FRMD3: variants seen among roughly 807,000 people sequenced by gnomAD.
FRMD3 encodes FERM domain containing 3, also known as FERM domain-containing protein 3.
A neutral mutation model predicts 70.2 loss-of-function variants in FRMD3; 33 were observed. The observed-to-expected ratio is 0.47, with a 90% CI of 0.36 to 0.63. FRMD3 has a LOEUF of 0.63. Ranked by LOEUF, FRMD3 falls within the 20% of genes least tolerant of loss-of-function variation. The pLI is 0.00. For missense variants in FRMD3, 632 were observed against 711.4 expected, an observed-to-expected ratio of 0.89 and a Z score of 1.27; for synonymous variants, 279 against 255.9, an observed-to-expected ratio of 1.09 and a Z score of -0.86.
At chr9:83,254,344 A>C (rs1290836673) in intron 13 of FRMD3, among the ~76,000 whole-genome samples, 1 of 151,984 alleles carries the variant, frequency 6.6e-6, no homozygotes, top group African/African-American at 2.4e-5. Context: ...AATATTTTAA[A>C]AATATTTCAA....
chr9:83,502,631 C>T (rs1829096237), intron 1 of FRMD3, among the ~76,000 whole-genome samples: 1 of 152,096 alleles, frequency 6.6e-6, no homozygotes, highest in Non-Finnish European at 1.5e-5. Context: ...TACCCGGAAG[C>T]TTGCTGTGAG....
At chr9:83,491,592 G>C (rs1334510968) in intron 1 of FRMD3, among the ~76,000 whole-genome samples, 1 of 152,164 alleles carries the variant, frequency 6.6e-6, no homozygotes, top group Non-Finnish European at 1.5e-5. Context: ...AGAGTCACTT[G>C]TCTGGAAGAT....
At chr9:83,468,275 AT>A (rs1466934005) in intron 1 of FRMD3, among the ~76,000 whole-genome samples, 3 of 152,240 alleles carry the variant, frequency 2.0e-5, no homozygotes, top group African/African-American at 7.2e-5. Context: ...AAGAAAATAG[AT>A]GTGACTTAAG....
At chr9:83,326,388 C>A (rs775616867) in intron 6 of FRMD3, among the ~76,000 whole-genome samples, 24 of 152,150 alleles carry the variant, frequency 1.6e-4, no homozygotes, top group Non-Finnish European at 1.9e-4. Flanking sequence ...AAATAATTCT[C>A]AAGTAAGCAT....
intron 1 of FRMD3, among the ~76,000 whole-genome samples, chr9:83,513,143 C>T (rs1829376841): frequency 6.6e-6 from 1 of 152,144 alleles, no homozygotes; most frequent in Admixed American, 6.5e-5. Flanking sequence ...GAGACAAAAA[C>T]CCAACAGATC....
At chr9:83,402,898 C>CTTTT (rs559570925) in intron 1 of FRMD3, among the ~76,000 whole-genome samples, 891 of 87,192 alleles carry the variant, frequency 0.01, 12 homozygotes, top group East Asian at 0.021. Flanking sequence ...TTCTTTCTTT[C>CTTTT]TTTTTTTTTT....
intron 5 of FRMD3, among the ~76,000 whole-genome samples, chr9:83,340,130 C>A (rs1246509263): frequency 6.6e-6 from 1 of 152,070 alleles, no homozygotes; most frequent in Non-Finnish European, 1.5e-5. Flanking sequence ...TGCTTGAGGT[C>A]AGAGTTTGAG....
At chr9:83,532,793 A>T (rs985512500) in intron 1 of FRMD3, among the ~76,000 whole-genome samples, 1 of 152,198 alleles carries the variant, frequency 6.6e-6, no homozygotes, top group Non-Finnish European at 1.5e-5. Context: ...GGGAAAACTG[A>T]TGGGGACTCT....
At chr9:83,261,910 GA>G (rs2118701974) in intron 13 of FRMD3, among the ~76,000 whole-genome samples, 1 of 152,270 alleles carries the variant, frequency 6.6e-6, no homozygotes, top group African/African-American at 2.4e-5. Flanking sequence ...GTAAAATGGG[GA>G]AAATTTCAGC....
chr9:83,520,970 C>CAAAAAAA (rs144061788), intron 1 of FRMD3, among the ~76,000 whole-genome samples: 16 of 56,152 alleles, frequency 2.8e-4, no homozygotes, highest in Admixed American at 8.9e-4. Context: ...ACTAAAAATA[C>CAAAAAAA]AAAAAAAAAA....
intron 5 of FRMD3, among the ~76,000 whole-genome samples, chr9:83,337,658 A>G (rs938872334): frequency 2.6e-5 from 4 of 152,210 alleles, no homozygotes; most frequent in African/African-American, 9.6e-5. Flanking sequence ...GTAGAAAAAA[A>G]TTAGTATGCC....
At chr9:83,571,603 T>C in the FRMD3 span, among the ~76,000 whole-genome samples, 1 of 152,242 alleles carries the variant, frequency 6.6e-6, no homozygotes, top group Non-Finnish European at 1.5e-5. Flanking sequence ...TACACAAGGC[T>C]GGGGCCAAGG....
chr9:83,464,421 T>C (rs1828061741), intron 1 of FRMD3, among the ~76,000 whole-genome samples: 1 of 152,126 alleles, frequency 6.6e-6, no homozygotes, highest in Non-Finnish European at 1.5e-5. Context: ...TCATGCACTG[T>C]CCCATTAGAT....
chr9:83,332,425 T>C (rs142101574), intron 6 of FRMD3, among the ~76,000 whole-genome samples: 76 of 152,100 alleles, frequency 5.0e-4, no homozygotes, highest in African/African-American at 1.8e-3. Flanking sequence ...AAGAACTCTG[T>C]TATTCTTGCC....
chr9:83,280,583 CAT>C (rs899882324), intron 13 of FRMD3, among the ~76,000 whole-genome samples: 4 of 152,186 alleles, frequency 2.6e-5, no homozygotes, highest in Non-Finnish European at 5.9e-5. Context: ...GTTTCAAAAA[CAT>C]ATCACCCCCG....
Position 83,264,814 on chromosome 9 carries a change from A to AG in FRMD3, c.1196-16299dup, listed in dbSNP as rs397893397. 6.4e-3 allele frequency among the ~76,000 whole-genome samples: 927 copies of AG among 144,686 alleles called. 11 individuals are homozygous for AG. Among genetic ancestry groups the AG allele is most frequent in the East Asian group, 0.031 (146 of 4,694 alleles). The allele number at this position is 144,686 out of a possible 152,430, so 94.9% of individuals were successfully genotyped here. A position where few individuals can be genotyped will look rare whatever the true frequency, so the allele number is the denominator to read the frequency against. On this transcript the variant is annotated intron_variant, in intron 13 of 13. Transcript: ENST00000304195. Reference sequence around the variant, plus strand: ...AAAGTTGCTAACCAATTGTGGGGGGAGGGGGGAAGGTATATCCCTATACCA... The same window carrying AG: ...AAAGTTGCTAACCAATTGTGGGGGGAGGGGGGGAAGGTATATCCCTATACCA...
chr9:83,338,637 A>G (rs762146514), intron 5 of FRMD3, among the ~76,000 whole-genome samples: 4 of 152,218 alleles, frequency 2.6e-5, no homozygotes, highest in Non-Finnish European at 5.9e-5. Context: ...AATGAGTTCT[A>G]TAGCATCATT....
At chr9:83,376,922 G>A (rs1825165656) in intron 2 of FRMD3, among the ~76,000 whole-genome samples, 1 of 151,354 alleles carries the variant, frequency 6.6e-6, no homozygotes, top group South Asian at 2.1e-4. Flanking sequence ...ATGATCCTAG[G>A]GGTGCCCAAC....
At chr9:83,446,513 G>A (rs1282594539) in intron 1 of FRMD3, among the ~76,000 whole-genome samples, 1 of 152,014 alleles carries the variant, frequency 6.6e-6, no homozygotes, top group Non-Finnish European at 1.5e-5. Context: ...CGGGCGCGGT[G>A]GCGGGCGCCT....
Sources: allele counts gnomAD v4.1 joint callset (sites outside exome capture counted in the v4.1 genomes callset), GRCh38; gene constraint gnomAD v4.1.1; transcripts MANE v1.5; gene names NCBI Gene and HGNC (gene_info 2026-07-23, HGNC 2026-07-21).